The following TMC1 variants were observed in gnomAD, a reference collection of about 807,000 sequenced individuals.
TMC1 encodes transmembrane channel-like protein 1.
TMC1 carries 84 observed loss-of-function variants against 105.8 expected under a neutral mutation model. That is an observed-to-expected ratio of 0.79 (90% CI 0.67 to 0.95). The LOEUF is 0.95. Ranked by LOEUF, TMC1 falls within the 40% of genes least tolerant of loss-of-function variation. TMC1 has a pLI of 0.00. For missense variants in TMC1, 817 were observed against 914.1 expected, an observed-to-expected ratio of 0.89 and a Z score of 1.37; for synonymous variants, 315 against 311.5, an observed-to-expected ratio of 1.01 and a Z score of -0.12.
intron 4 of TMC1, among the ~76,000 whole-genome samples, chr9:72,640,750 A>G (rs1411260721): frequency 2.7e-5 from 4 of 149,788 alleles, no homozygotes; most frequent in Non-Finnish European, 1.5e-5. Flanking sequence ...CTCCTGCCTC[A>G]CCTCCCGGGT....
chr9:72,648,637 G>A lies in TMC1; in HGVS notation c.-12G>A. ...GCCAGCCACTGAGACCTTCTGACAG[G>A]ACACCCCCAGGATGTCACCCAAAAA... On this transcript the variant is annotated 5_prime_UTR_variant, in exon 5 of 24. Transcript: ENST00000297784. The A allele has an allele frequency of 6.2e-7, 1 of 1,613,026 alleles. No individual in the cohort carries two copies. The highest frequency in any genetic ancestry group is 8.5e-7 in the Non-Finnish European group (1 of 1,179,146).
At chr9:72,598,211 A>G (rs1824750381) in intron 2 of TMC1, among the ~76,000 whole-genome samples, 1 of 152,158 alleles carries the variant, frequency 6.6e-6, no homozygotes, top group Non-Finnish European at 1.5e-5. Flanking sequence ...TAGACTCTAC[A>G]TCAATCTCTG....
At chr9:72,700,938 T>C (rs1473693460) in intron 8 of TMC1, among the ~76,000 whole-genome samples, 1 of 152,012 alleles carries the variant, frequency 6.6e-6, no homozygotes, top group Non-Finnish European at 1.5e-5. Flanking sequence ...CTAGAGAGAC[T>C]GGGCTAATGA....
intron 2 of TMC1, among the ~76,000 whole-genome samples, chr9:72,587,307 C>T (rs1324139604): frequency 1.3e-5 from 2 of 151,938 alleles, no homozygotes; most frequent in African/African-American, 2.4e-5. Flanking sequence ...TACAGGCATG[C>T]GCCACCACGC....
At chr9:72,761,153 TA>T (rs1827750065) in intron 12 of TMC1, among the ~76,000 whole-genome samples, 1 of 152,184 alleles carries the variant, frequency 6.6e-6, no homozygotes, top group Non-Finnish European at 1.5e-5. Flanking sequence ...ATGAATCAAA[TA>T]AGCAGAAATT....
rs745630603 is a variant in TMC1, at chr9:72,805,444, C to T, written c.1629C>T (p.Asp543=). ...LTTYVTILIG[D]FLRACFVRFC... is the part of the protein sequence containing the mutation. Reference sequence around the variant, plus strand: ...CCTACGTCACAATCCTCATTGGGGACTTTCTAAGGGCATGTTTTGTGAGGT... The same window carrying T: ...CCTACGTCACAATCCTCATTGGGGATTTTCTAAGGGCATGTTTTGTGAGGT... Residue 543 remains aspartate (D), a synonymous_variant, in exon 18 of 24, where the codon GAC becomes GAT. Transcript: ENST00000297784. 15 of 1,613,368 alleles carry T rather than the reference C, an allele frequency of 9.3e-6. No individual in the cohort carries two copies. Among genetic ancestry groups the T allele is most frequent in the Non-Finnish European group, 1.2e-5 (14 of 1,179,886 alleles).
intron 2 of TMC1, among the ~76,000 whole-genome samples, chr9:72,602,167 C>G (rs1049928474): frequency 6.6e-6 from 1 of 152,002 alleles, no homozygotes; most frequent in South Asian, 2.1e-4. Context: ...TTAGCCTGGA[C>G]CTTACTTGTT....
At chr9:72,576,019 A>G (rs1824373779) in intron 1 of TMC1, among the ~76,000 whole-genome samples, 1 of 152,112 alleles carries the variant, frequency 6.6e-6, no homozygotes, top group Non-Finnish European at 1.5e-5. Flanking sequence ...GACAATGACA[A>G]TGTTTTTGAT....
chr9:72,698,726 T>TTCTAATC (rs1826592661), intron 7 of TMC1, among the ~76,000 whole-genome samples: 1 of 152,128 alleles, frequency 6.6e-6, no homozygotes, highest in Non-Finnish European at 1.5e-5. Context: ...GAAAACACTG[T>TTCTAATC]AGCGTAGAGG....
intron 8 of TMC1, among the ~76,000 whole-genome samples, chr9:72,735,261 G>A (rs1270392546): frequency 6.6e-6 from 1 of 152,182 alleles, no homozygotes; most frequent in Non-Finnish European, 1.5e-5. Flanking sequence ...ATTCAAGGGG[G>A]TGGTACACAT....
intron 19 of TMC1, among the ~76,000 whole-genome samples, chr9:72,819,600 A>G (rs143023065): frequency 1.3e-5 from 2 of 152,352 alleles, no homozygotes; most frequent in East Asian, 1.9e-4. Context: ...TGTCAACAAG[A>G]CAGCCCAAAT....
intron 8 of TMC1, among the ~76,000 whole-genome samples, chr9:72,736,666 A>G (rs917082525): frequency 1.3e-5 from 2 of 152,200 alleles, no homozygotes; most frequent in Non-Finnish European, 2.9e-5. Flanking sequence ...CTCTATTTAT[A>G]TGTGTTCATT....
intron 5 of TMC1, among the ~76,000 whole-genome samples, chr9:72,675,304 A>AT (rs1323732315): frequency 1.3e-5 from 2 of 152,160 alleles, no homozygotes; most frequent in Non-Finnish European, 2.9e-5. Context: ...GAGGCTACTA[A>AT]TAGAATTTCA....
chr9:72,690,002 TTC>T (rs996226143), intron 6 of TMC1, among the ~76,000 whole-genome samples: 8 of 152,074 alleles, frequency 5.3e-5, no homozygotes, highest in Non-Finnish European at 1.2e-4. Flanking sequence ...GTTCATTGTT[TTC>T]TGTCTTAAAG....
At chr9:72,669,791 C>A (rs1199492556) in intron 5 of TMC1, among the ~76,000 whole-genome samples, 1 of 151,356 alleles carries the variant, frequency 6.6e-6, no homozygotes, top group Non-Finnish European at 1.5e-5. Flanking sequence ...AGATGAAATA[C>A]AGATACTGAA....
intron 19 of TMC1, 94 bp downstream of exon 19, chr9:72,816,304 A>AATCGGT (rs1479115466): frequency 8.2e-7 from 1 of 1,225,650 alleles, no homozygotes; most frequent in Non-Finnish European, 1.2e-6. Context: ...AGGAGAATAC[A>AATCGGT]ATCGGTGTCT....
intron 12 of TMC1, among the ~76,000 whole-genome samples, chr9:72,769,533 A>T (rs980638393): frequency 6.6e-6 from 1 of 152,186 alleles, no homozygotes; most frequent in African/African-American, 2.4e-5. Flanking sequence ...CTCTACTGTC[A>T]AATCAGTCAC....
At chr9:72,678,971 A>T (rs72733022) in intron 5 of TMC1, among the ~76,000 whole-genome samples, 14,642 of 152,050 alleles carry the variant, frequency 0.096, 833 homozygotes, top group African/African-American at 0.14. Context: ...GTATGTTTGT[A>T]TGTGACATTC....
intron 21 of TMC1, among the ~76,000 whole-genome samples, chr9:72,827,786 T>C (rs1223676755): frequency 6.6e-6 from 1 of 152,174 alleles, no homozygotes; most frequent in African/African-American, 2.4e-5. Flanking sequence ...TCTCAGTCAG[T>C]GGGTAAATAT....
Sources: allele counts gnomAD v4.1 joint callset (sites outside exome capture counted in the v4.1 genomes callset), GRCh38; gene constraint gnomAD v4.1.1; transcripts MANE v1.5; gene names NCBI Gene and HGNC (gene_info 2026-07-23, HGNC 2026-07-21).